The following SPATA17 variants were observed in gnomAD, a reference collection of about 807,000 sequenced individuals.
SPATA17 encodes the protein spermatogenesis associated 17.
In SPATA17, 53 loss-of-function variants were observed where a neutral mutation model predicts 62.2. That is an observed-to-expected ratio of 0.85 (90% CI 0.68 to 1.07). SPATA17 has a LOEUF of 1.07. Among genes scored for constraint, SPATA17 ranks in the 50% least tolerant of loss-of-function variants. SPATA17 has a pLI of 0.00. For missense variants in SPATA17, 466 were observed against 425.5 expected, an observed-to-expected ratio of 1.10 and a Z score of -0.84; for synonymous variants, 146 against 146.8, an observed-to-expected ratio of 0.99 and a Z score of 0.04.
At chr1:217,689,824 C>T (rs1671304307) in intron 5 of SPATA17, among the ~76,000 whole-genome samples, 1 of 151,624 alleles carries the variant, frequency 6.6e-6, no homozygotes, top group African/African-American at 2.4e-5. Context: ...TCATTGCTTC[C>T]TTCTCCATTT....
intron 8 of SPATA17, among the ~76,000 whole-genome samples, chr1:217,784,289 C>G (rs1175799239): frequency 6.6e-6 from 1 of 152,036 alleles, no homozygotes; most frequent in Non-Finnish European, 1.5e-5. Flanking sequence ...CCAACTTTAC[C>G]TATAAGGAGT....
At chr1:217,761,051 A>G (rs112049185) in intron 6 of SPATA17, among the ~76,000 whole-genome samples, 67 of 152,290 alleles carry the variant, frequency 4.4e-4, no homozygotes, top group African/African-American at 1.6e-3. Context: ...AGAAATCACT[A>G]TGGGATTTGA....
chr1:217,715,580 A>G (rs1306858478), intron 5 of SPATA17, among the ~76,000 whole-genome samples: 1 of 151,966 alleles, frequency 6.6e-6, no homozygotes, highest in Non-Finnish European at 1.5e-5. Context: ...ATCCCTAGGC[A>G]GCTCTGTCAT....
intron 5 of SPATA17, among the ~76,000 whole-genome samples, chr1:217,699,017 C>T (rs939184546): frequency 4.6e-5 from 7 of 152,116 alleles, no homozygotes; most frequent in African/African-American, 7.2e-5. Context: ...CAGCATTGTT[C>T]CCTAAAAATG....
intron 5 of SPATA17, among the ~76,000 whole-genome samples, chr1:217,722,590 T>C (rs1672159377): frequency 6.6e-6 from 1 of 152,180 alleles, no homozygotes; most frequent in African/African-American, 2.4e-5. Flanking sequence ...TGTGTGTATA[T>C]TGTCTTACTA....
intron 4 of SPATA17, among the ~76,000 whole-genome samples, chr1:217,680,112 A>G (rs1189976514): frequency 1.3e-5 from 2 of 152,172 alleles, no homozygotes; most frequent in African/African-American, 4.8e-5. Flanking sequence ...AATAACTTCT[A>G]TTGCTGATGA....
At chr1:217,677,347 C>G (rs750492245) in intron 4 of SPATA17, among the ~76,000 whole-genome samples, 1 of 151,610 alleles carries the variant, frequency 6.6e-6, no homozygotes, top group Non-Finnish European at 1.5e-5. Flanking sequence ...AAATATGTGT[C>G]AGATATATAA....
intron 3 of SPATA17, among the ~76,000 whole-genome samples, chr1:217,666,261 G>A (rs1670692987): frequency 6.6e-6 from 1 of 151,992 alleles, no homozygotes; most frequent in African/African-American, 2.4e-5. Flanking sequence ...ACATTCCGTA[G>A]GTACAATATG....
chr1:217,640,427 A>C (rs1170417004), intron 1 of SPATA17, among the ~76,000 whole-genome samples: 2 of 152,180 alleles, frequency 1.3e-5, no homozygotes, highest in African/African-American at 2.4e-5. Context: ...TAGTCTTTAC[A>C]TAACAGCAAT....
chr1:217,724,839 T>A (rs1326855564), intron 5 of SPATA17, among the ~76,000 whole-genome samples: 1 of 152,120 alleles, frequency 6.6e-6, no homozygotes, highest in African/African-American at 2.4e-5. Flanking sequence ...CTAATTAGTT[T>A]ATTTTTTTTC....
chr1:217,685,739 T>C lies in SPATA17; in HGVS notation c.395+2378T>C, dbSNP rs185025781. Among the ~76,000 whole-genome samples the C allele has an allele frequency of 2.6e-5, 4 of 152,274 alleles. No homozygotes were observed. In the East Asian group the frequency reaches 7.7e-4, roughly 29 times the overall value. On this transcript the variant is annotated intron_variant, in intron 5 of 10. Coordinates refer to ENST00000366933, the MANE Select transcript of SPATA17 (RefSeq NM_138796.4). ...TTCACTAAATTATATGAGTATTTTA[T>C]ATAGGATACTTACGTCCTCTTCTGT...
intron 6 of SPATA17, among the ~76,000 whole-genome samples, chr1:217,747,748 G>T (rs1172878891): frequency 6.6e-6 from 1 of 152,026 alleles, no homozygotes; most frequent in Non-Finnish European, 1.5e-5. Context: ...ATTGTTACAC[G>T]TATATAATGG....
At chr1:217,850,367 C>A in intron 9 of SPATA17, 1 of 810,242 alleles carries the variant, frequency 1.2e-6, no homozygotes, top group South Asian at 1.6e-5. Context: ...AGTGTAATGC[C>A]ATCACTGAGC....
At chr1:217,761,914 G>C (rs184757225) in intron 6 of SPATA17, among the ~76,000 whole-genome samples, 1 of 152,212 alleles carries the variant, frequency 6.6e-6, no homozygotes, top group East Asian at 1.9e-4. Flanking sequence ...TCAGCCACAA[G>C]AACACAATCT....
chr1:217,859,007 G>A (rs1675839643), intron 9 of SPATA17, among the ~76,000 whole-genome samples: 1 of 151,502 alleles, frequency 6.6e-6, no homozygotes, highest in South Asian at 2.1e-4. Flanking sequence ...CAGCCTGGGT[G>A]ACAAAGCGAG....
chr1:217,837,760 T>C (rs1406735370), intron 9 of SPATA17, among the ~76,000 whole-genome samples: 1 of 152,154 alleles, frequency 6.6e-6, no homozygotes, highest in South Asian at 2.1e-4. Context: ...ATAATCTATA[T>C]GCATTTCTTC....
At chr1:217,836,753 G>C (rs558253774) in intron 9 of SPATA17, among the ~76,000 whole-genome samples, 50 of 152,168 alleles carry the variant, frequency 3.3e-4, no homozygotes, top group African/African-American at 1.2e-3. Context: ...GTGACAAAGA[G>C]CTATGACCTC....
chr1:217,794,565 A>G (rs939445963), intron 8 of SPATA17, among the ~76,000 whole-genome samples: 7 of 152,328 alleles, frequency 4.6e-5, no homozygotes, highest in Middle Eastern at 3.4e-3. Context: ...TAAAAATTAG[A>G]TAAATTGAAA....
intron 5 of SPATA17, among the ~76,000 whole-genome samples, chr1:217,734,520 G>A (rs369024662): frequency 6.6e-6 from 1 of 152,128 alleles, no homozygotes; most frequent in South Asian, 2.1e-4. Flanking sequence ...TATTTTGAAG[G>A]CATCTTACAA....
Sources: allele counts gnomAD v4.1 joint callset (sites outside exome capture counted in the v4.1 genomes callset), GRCh38; gene constraint gnomAD v4.1.1; transcripts MANE v1.5; gene names NCBI Gene and HGNC (gene_info 2026-07-23, HGNC 2026-07-21).